Variants in ZNF165 observed in about 807,000 individuals in gnomAD.
ZNF165 encodes the protein zinc finger protein 165, also known as cancer/testis antigen 53.
ZNF165 carries 14 observed loss-of-function variants against 19.6 expected under a neutral mutation model. That is an observed-to-expected ratio of 0.71 (90% CI 0.47 to 1.12). The LOEUF (loss-of-function observed/expected upper bound fraction) is 1.12. Ranked by LOEUF, ZNF165 falls within the 50% of genes most tolerant of loss-of-function variation. ZNF165 has a pLI of 0.00. For synonymous variants in ZNF165, 165 were observed against 195.0 expected (o/e 0.85, Z 1.28); for missense variants, 504 against 566.3 (o/e 0.89, Z 1.12).
At chr6:28,084,590 C>T (rs550768694) in intron 1 of ZNF165, among the ~76,000 whole-genome samples, 3 of 152,096 alleles carry the variant, frequency 2.0e-5, no homozygotes, top group Admixed American at 6.5e-5. Flanking sequence ...ACCTGGGAGG[C>T]GGAGGTTGCA....
At chr6:28,087,548 T>A (rs1253956298) in intron 3 of ZNF165, among the ~76,000 whole-genome samples, 1 of 152,158 alleles carries the variant, frequency 6.6e-6, no homozygotes, top group African/African-American at 2.4e-5. Context: ...CTGGCCACAA[T>A]TAATTTTTAA....
intron 1 of ZNF165, among the ~76,000 whole-genome samples, chr6:28,082,830 G>C (rs748073904): frequency 6.6e-6 from 1 of 152,054 alleles, no homozygotes; most frequent in Non-Finnish European, 1.5e-5. Flanking sequence ...TGTTTCTGTT[G>C]GAAATATTTT....
Position 28,089,434 on chromosome 6 carries a change from C to G in ZNF165, c.1422C>G (p.His474Gln), listed in dbSNP as rs1764382377. The G allele has an allele frequency of 6.2e-7, 1 of 1,607,340 alleles. No homozygotes were observed. The highest frequency in any genetic ancestry group is 1.3e-5 in the African/African-American group (1 of 74,702). Residue 474 changes from histidine to glutamine, a missense_variant, in exon 4 of 4, where the codon CAC (histidine) becomes CAG (glutamine). Transcript: ENST00000683778. ...AFSQSSNLSQ[H>Q]QRIHMRENLL... ...GTCAGAGCTCAAACCTTAGTCAACA[C>G]CAGAGAATTCACATGAGGGAAAACC...
At chr6:28,088,474 C>A in intron 3 of ZNF165, 89 bp from the exon 4 acceptor site, 2 of 1,041,860 alleles carry the variant, frequency 1.9e-6, no homozygotes, top group Non-Finnish European at 1.4e-6. Context: ...TTAAAGTGGG[C>A]ATATCAATAT....
chr6:28,089,535 T>A lies in ZNF165; in HGVS notation c.*65T>A. The A allele has an allele frequency of 7.0e-7, 1 of 1,422,450 alleles. No homozygotes were observed. The highest frequency in any genetic ancestry group is 9.3e-7 in the Non-Finnish European group (1 of 1,079,284). 88.1% of individuals were successfully genotyped at this position (1,422,450 alleles called of 1,614,324 possible). A position where few individuals can be genotyped will look rare whatever the true frequency, so the allele number is the denominator to read the frequency against. ...AATATGAAAAATATTAAATAAAAAATAAATATTGGGCAAGATGGAAGACTG... is the reference window on the plus strand; with the variant it reads ...AATATGAAAAATATTAAATAAAAAAAAAATATTGGGCAAGATGGAAGACTG... On this transcript the variant is annotated 3_prime_UTR_variant, in exon 4 of 4. Transcript: ENST00000683778.
At chr6:28,087,977 G>A (rs1430460352) in intron 3 of ZNF165, among the ~76,000 whole-genome samples, 1 of 152,204 alleles carries the variant, frequency 6.6e-6, no homozygotes, top group Non-Finnish European at 1.5e-5. Flanking sequence ...GGTAAGGTTC[G>A]AGACTATGGC....
Position 28,086,036 on chromosome 6 carries a change from A to G in ZNF165, c.412-136A>G, listed in dbSNP as rs538178908. On this transcript the variant is annotated intron_variant, in intron 2 of 3. Transcript: ENST00000683778. Reference sequence around the variant, plus strand: ...TCCTTTCCTGTCTGTTTGATTCCACACTACATTTTACAATTAAATCAGACT... The same window carrying G: ...TCCTTTCCTGTCTGTTTGATTCCACGCTACATTTTACAATTAAATCAGACT... The G allele has an allele frequency of 7.4e-5, 110 of 1,491,132 alleles. 2 individuals carry two copies. The highest frequency in any genetic ancestry group is 1.3e-4 in the Admixed American group (6 of 44,580). 92.4% of individuals were successfully genotyped at this position (1,491,132 alleles called of 1,614,324 possible). A position where few individuals can be genotyped will look rare whatever the true frequency, so the allele number is the denominator to read the frequency against.
In ZNF165 at chr6:28,086,792, T is replaced by C. The variant is rs188446231; in HGVS notation, c.550+482T>C. Among the ~76,000 whole-genome samples the C allele has an allele frequency of 4.7e-3, 714 of 152,276 alleles. 3 individuals are homozygous for C. The highest frequency in any genetic ancestry group is 6.2e-3 in the Non-Finnish European group (423 of 68,026). The stretch of plus-strand genomic sequence containing the variant: ...TAGGGGAAAAGATAATTTTGTTCCT[T>C]ATCCAGAATATTTCCAAAACACAGA... On this transcript the variant is annotated intron_variant, in intron 3 of 3. Transcript: ENST00000683778.
intron 1 of ZNF165, among the ~76,000 whole-genome samples, chr6:28,081,698 T>G (rs1764158869): frequency 1.3e-5 from 2 of 152,052 alleles, no homozygotes; most frequent in African/African-American, 4.8e-5. Context: ...AGCCCTGCTC[T>G]TTAACCTCCA....
intron 1 of ZNF165, among the ~76,000 whole-genome samples, chr6:28,083,572 A>G (rs203866): frequency 0.98 from 149,415 of 152,270 alleles, 73,331 homozygotes; most frequent in East Asian, 1. Context: ...AGCTTAGACT[A>G]TGCAGTCCAA....
At chr6:28,083,601 C>T (rs192340138) in intron 1 of ZNF165, among the ~76,000 whole-genome samples, 429 of 152,280 alleles carry the variant, frequency 2.8e-3, no homozygotes, top group Middle Eastern at 0.02. Flanking sequence ...AATAGGGGAA[C>T]GACATAGCAG....
Position 28,089,074 on chromosome 6 carries a change from G to C in ZNF165, c.1062G>C (p.Arg354Ser). Residue 354 changes from arginine to serine, a missense_variant, in exon 4 of 4, where the codon AGG (arginine) becomes AGC (serine). By Grantham distance (110) the Arg-to-Ser change is moderately radical. Transcript: ENST00000683778. ...GTAATGAATGTGGGAAAGCTTTCAG[G>C]CACAGCTCAAAACTTGCTAGGCATC... ...HQCNECGKAF[R>S]HSSKLARHQR... 6.2e-7 allele frequency: 1 copy of C among 1,614,124 alleles called. No homozygotes were observed.
At chr6:28,082,134 A>T (rs946725056) in intron 1 of ZNF165, among the ~76,000 whole-genome samples, 5 of 152,188 alleles carry the variant, frequency 3.3e-5, no homozygotes, top group African/African-American at 1.2e-4. Flanking sequence ...TGGTTAATAT[A>T]CCATGGAACT....
intron 1 of ZNF165, among the ~76,000 whole-genome samples, chr6:28,082,789 T>A (rs1764186623): frequency 6.6e-6 from 1 of 152,256 alleles, no homozygotes; most frequent in East Asian, 1.9e-4. Context: ...GTCTTCCCAT[T>A]CCAAATTCTT....
At position 28,088,787 on chromosome 6, in the gene ZNF165, C is replaced by T; in HGVS notation, c.775C>T (p.Leu259Phe). ...CCAGGATGAAGGTTTTGGTAAAATC[C>T]TCACCCACAAAAATACAGTCAGAGG... ...SAQDEGFGKI[L>F]THKNTVRGEI... Residue 259 changes from leucine (L) to phenylalanine (F), a missense_variant, in exon 4 of 4, where the codon CTC (leucine) becomes TTC (phenylalanine). Physicochemically the swap from Leu to Phe is conservative, Grantham distance 22. Transcript: ENST00000683778. The T allele has an allele frequency of 1.9e-6, 3 of 1,614,082 alleles. No homozygotes were observed. Among genetic ancestry groups the T allele is most frequent in the African/African-American group, 2.7e-5 (2 of 75,002 alleles).
intron 1 of ZNF165, among the ~76,000 whole-genome samples, chr6:28,084,526 G>T (rs1764225259): frequency 6.6e-6 from 1 of 152,110 alleles, no homozygotes; most frequent in Admixed American, 6.5e-5. Flanking sequence ...AGGTGTGGCG[G>T]TGTGCATCTG....
chr6:28,086,506 G>A lies in ZNF165; in HGVS notation c.550+196G>A, dbSNP rs574712207. 2.0e-5 allele frequency among the ~76,000 whole-genome samples: 3 copies of A among 152,290 alleles called. No homozygotes were observed. In the South Asian group the frequency reaches 6.2e-4, roughly 32 times the overall value. On this transcript the variant is annotated intron_variant, in intron 3 of 3. Coordinates refer to ENST00000683778, the MANE Select transcript of ZNF165 (RefSeq NM_001376491.1). ...GAGGCCAAGGCAGGTGGATCACGAGGTCAGGAGATCAAGACCATCCTGGCT... is the reference window on the plus strand; with the variant it reads ...GAGGCCAAGGCAGGTGGATCACGAGATCAGGAGATCAAGACCATCCTGGCT...
At chr6:28,081,385 C>A (rs1383146861) in intron 1 of ZNF165, 1 of 152,228 alleles carries the variant, frequency 6.6e-6, no homozygotes, top group African/African-American at 2.4e-5. Flanking sequence ...TCCCCTGCTT[C>A]CCTTGGGAAG....
chr6:28,086,187 C>T lies in ZNF165; in HGVS notation c.427C>T (p.His143Tyr), dbSNP rs957350487. Residue 143 changes from histidine (H) to tyrosine (Y), a missense_variant, in exon 3 of 4, where the codon CAT (histidine) becomes TAT (tyrosine). Physicochemically the swap from His to Tyr is moderately conservative, Grantham distance 83. Coordinates refer to ENST00000683778, the MANE Select transcript of ZNF165 (RefSeq NM_001376491.1). ...EAVLQVQAHEHGQEIFQKKVS... is the reference protein window; with the variant it reads ...EAVLQVQAHEYGQEIFQKKVS... ...TTTTTCTCAGGTTCAAGCCCATGAACATGGACAAGAAATATTCCAGAAAAA... is the reference window on the plus strand; with the variant it reads ...TTTTTCTCAGGTTCAAGCCCATGAATATGGACAAGAAATATTCCAGAAAAA... The T allele has an allele frequency of 5.0e-6, 8 of 1,614,020 alleles. No individual in the cohort carries two copies. The African/African-American group carries it at 1.1e-4, about 22-fold the overall frequency.
Sources: allele counts gnomAD v4.1 joint callset (sites outside exome capture counted in the v4.1 genomes callset), GRCh38; gene constraint gnomAD v4.1.1; transcripts MANE v1.5; gene names NCBI Gene and HGNC (gene_info 2026-07-23, HGNC 2026-07-21).